Variants in TBX3 observed in about 807,000 individuals in gnomAD.
TBX3 encodes the protein T-box transcription factor TBX3.
In TBX3, 11 loss-of-function variants were observed where a neutral mutation model predicts 47.8. The ratio of observed to expected loss-of-function variants is 0.23; its 90% CI spans 0.14 to 0.38. The LOEUF (loss-of-function observed/expected upper bound fraction) is 0.38. Among genes scored for constraint, TBX3 ranks in the 10% least tolerant of loss-of-function variants. The probability of loss-of-function intolerance (pLI) is 1.00; values close to 1 mark genes in which losing one functional copy is unlikely to be tolerated. For synonymous variants in TBX3, 500 were observed against 449.3 expected (o/e 1.11, Z -1.43); for missense variants, 927 against 1,022.8 (o/e 0.91, Z 1.28).
chr12:114,674,322 C>A lies in TBX3; in HGVS notation c.1553G>T (p.Gly518Val). Residue 518 changes from glycine to valine, a missense_variant, in exon 6 of 7, where the codon GGC becomes GTC. Physicochemically the swap from Gly to Val is moderately radical, Grantham distance 109. Around this residue, in one of 5 missense-constraint regions of TBX3, gnomAD observed 623 missense variants for 569.0 expected, o/e 1.09. Coordinates refer to ENST00000349155, the MANE Select transcript of TBX3 (RefSeq NM_005996.4). Reference protein sequence around the residue: ...GGAFSSMAAAGMGPLLATVSG... With the variant: ...GGAFSSMAAAVMGPLLATVSG... ...AACCGTGGCCAGGAGGGGACCCATG[C>A]CAGCGGCCGCCATGCTGGAGAAGGC... 2 of 1,569,422 alleles carry A rather than the reference C, an allele frequency of 1.3e-6. No homozygotes were observed. The highest frequency in any genetic ancestry group is 1.7e-6 in the Non-Finnish European group (2 of 1,157,310).
rs1868900986 is a variant in TBX3, at chr12:114,680,951, T to C, written c.585A>G (p.Glu195=). The change falls in exon 2 of 7, where the codon GAA becomes GAG. Residue 195 remains glutamate, a synonymous_variant. Coordinates refer to ENST00000349155, the MANE Select transcript of TBX3 (RefSeq NM_005996.4). The part of the protein sequence containing the change: ...YIHPDSPATG[E]QWMSKVVTFH... ...AAGTGACGACTTTGGACATCCACTG[T>C]TCCCCAGTAGCGGGGCTGTCCGGGT... The C allele has an allele frequency of 1.2e-6, 2 of 1,614,024 alleles. No individual in the cohort carries two copies. Among genetic ancestry groups the C allele is most frequent in the African/African-American group, 1.3e-5 (1 of 74,890 alleles).
At chr12:114,678,877 A>G (rs1360236926) in intron 3 of TBX3, among the ~76,000 whole-genome samples, 24 of 151,960 alleles carry the variant, frequency 1.6e-4, no homozygotes, top group Non-Finnish European at 7.4e-5. Context: ...GGGGAATTCA[A>G]ATGAAGTGGT....
chr12:114,682,792 A>G lies in TBX3; in HGVS notation c.389+20T>C, dbSNP rs772883025. The G allele has an allele frequency of 4.3e-6, 7 of 1,614,038 alleles. No individual in the cohort carries two copies. The highest frequency in any genetic ancestry group is 5.1e-6 in the Non-Finnish European group (6 of 1,179,934). ...AAAAAACTCTCCAACAGCTTAGGGGAGGAGGCCCCCACTGCTTACCTTCCC... is the reference window on the plus strand; with the variant it reads ...AAAAAACTCTCCAACAGCTTAGGGGGGGAGGCCCCCACTGCTTACCTTCCC... On this transcript the variant is annotated intron_variant, in intron 1 of 6. Transcript: ENST00000349155.
At position 114,671,928 on chromosome 12, in the gene TBX3, C is replaced by T; in HGVS notation, c.2085G>A (p.Glu695=). 2 of 1,590,030 alleles carry T rather than the reference C, an allele frequency of 1.3e-6. No individual in the cohort carries two copies. The highest frequency in any genetic ancestry group is 1.7e-6 in the Non-Finnish European group (2 of 1,168,352). ...TGCTCTGCAGTTCGCTGGTGGCCGC[C>T]TCTTTCTCCGCGCAGAGTTTGGGCG... The part of the protein sequence containing the change: ...SLSPKLCAEK[E]AATSELQSIQ... The change falls in exon 7 of 7, where the codon GAG becomes GAA. Residue 695 remains glutamate (E), a synonymous_variant. Coordinates refer to ENST00000349155, the MANE Select transcript of TBX3 (RefSeq NM_005996.4).
chr12:114,677,688 A>AT, intron 3 of TBX3, 32 bp from the exon 4 acceptor site: 1 of 1,600,222 alleles, frequency 6.2e-7, no homozygotes, highest in Middle Eastern at 1.7e-4. Flanking sequence ...AGACAGAGAC[A>AT]TTGTTCTCAT....
At chr12:114,679,099 T>C (rs1443277239) in intron 3 of TBX3, among the ~76,000 whole-genome samples, 1 of 152,172 alleles carries the variant, frequency 6.6e-6, no homozygotes, top group Non-Finnish European at 1.5e-5. Context: ...AGGATTCTCC[T>C]CCCAGGATCC....
In TBX3 at chr12:114,683,295, T is replaced by A; in HGVS notation, c.-95A>T. 6.6e-7 allele frequency: 1 copy of A among 1,512,106 alleles called. No individual in the cohort carries two copies. The highest frequency in any genetic ancestry group is 9.0e-7 in the Non-Finnish European group (1 of 1,115,654). The allele number at this position is 1,512,106 out of a possible 1,614,324, so 93.7% of individuals were successfully genotyped here. A position where few individuals can be genotyped will look rare whatever the true frequency, so the allele number is the denominator to read the frequency against. On this transcript the variant is annotated 5_prime_UTR_variant, in exon 1 of 7. Transcript: ENST00000349155. This position sits in a 1 kb window ranked among gnomAD's most constrained non-coding sequence, Gnocchi z 7.7. ...GTTGTTGTTTAACAGCAGCACATAA[T>A]TCAAAAGGGGGGAAAAAGCAAAACA...
In TBX3 at chr12:114,683,235, A is replaced by G. The variant is rs749894141; in HGVS notation, c.-35T>C. ...GCGGGGCGCTGGGCTCCAGCCGGGG[A>G]CAAGTCCGCAGCTGCTGTGTTTTGT... is the stretch of plus-strand genomic sequence containing the variant. On this transcript the variant is annotated 5_prime_UTR_variant, in exon 1 of 7. Transcript: ENST00000349155. The surrounding 1 kb of genome is among the most constrained non-coding windows in gnomAD (Gnocchi z 7.7). 8.1e-6 allele frequency: 13 copies of G among 1,604,894 alleles called. No homozygotes were observed. Among genetic ancestry groups the G allele is most frequent in the Non-Finnish European group, 1.1e-5 (13 of 1,174,540 alleles).
rs1869013848 is a variant in TBX3, at chr12:114,683,066, C to T, written c.135G>A (p.Thr45=). 1.9e-6 allele frequency: 3 copies of T among 1,609,794 alleles called. No individual in the cohort carries two copies. The highest frequency in any genetic ancestry group is 2.2e-5 in the East Asian group (1 of 44,710). The change falls in exon 1 of 7, where the codon ACG becomes ACA. Residue 45 remains threonine, a synonymous_variant. Coordinates refer to ENST00000349155, the MANE Select transcript of TBX3 (RefSeq NM_005996.4). The surrounding 1 kb of genome is among the most constrained non-coding windows in gnomAD (Gnocchi z 7.7). ...GCGCCGCCGCGCCGTTGGGAGGCAG[C>T]GTCAGCGCGGGGAAGAACGGCGGCT... ...GHQPPFFPAL[T]LPPNGAAALS...
At chr12:114,678,207 C>T (rs993386483) in intron 3 of TBX3, among the ~76,000 whole-genome samples, 8 of 152,066 alleles carry the variant, frequency 5.3e-5, no homozygotes, top group Non-Finnish European at 1.2e-4. Flanking sequence ...TGAATGACCA[C>T]TGGAAACATC....
At chr12:114,675,526 A>G (rs1028394456) in intron 5 of TBX3, among the ~76,000 whole-genome samples, 1 of 152,230 alleles carries the variant, frequency 6.6e-6, no homozygotes, top group African/African-American at 2.4e-5. Context: ...GTGTTCCACC[A>G]GAAGAAAAGA....
At chr12:114,675,603 T>A (rs1362214917) in intron 5 of TBX3, among the ~76,000 whole-genome samples, 1 of 152,130 alleles carries the variant, frequency 6.6e-6, no homozygotes, top group Non-Finnish European at 1.5e-5. Context: ...GCATTTTATT[T>A]CACTAAAAAA....
At position 114,676,323 on chromosome 12, in the gene TBX3, C is replaced by G. The variant is rs1367436140; in HGVS notation, c.1029G>C (p.Ser343=). Residue 343 remains serine, a synonymous_variant, in exon 5 of 7, where the codon TCG becomes TCC. Transcript: ENST00000349155. ...GGTGACATGGTTTACCTTTGAGGTTCGATGTCCCTACAGTGGAGGCGGCTG... is the reference window on the plus strand; with the variant it reads ...GGTGACATGGTTTACCTTTGAGGTTGGATGTCCCTACAGTGGAGGCGGCTG... The part of the protein sequence containing the change: ...SSPAASTVGT[S]NLKDLCPSEG... 5 of 1,613,712 alleles carry G rather than the reference C, an allele frequency of 3.1e-6. No individual in the cohort carries two copies. The East Asian group carries it at 6.7e-5, about 22-fold the overall frequency.
At chr12:114,673,497 G>A (rs911232041) in intron 6 of TBX3, among the ~76,000 whole-genome samples, 2 of 152,160 alleles carry the variant, frequency 1.3e-5, no homozygotes, top group Non-Finnish European at 2.9e-5. Context: ...ACCCTTCGAG[G>A]AATAGGCTGG....
chr12:114,677,804 CTG>C (rs1868771097), intron 3 of TBX3, 148 bp from the exon 4 acceptor site: 1 of 735,586 alleles, frequency 1.4e-6, no homozygotes. Context: ...AATAAGGAAA[CTG>C]TGGCAGGGCT....
chr12:114,672,706 G>C (rs1868504159), intron 6 of TBX3, among the ~76,000 whole-genome samples: 1 of 151,986 alleles, frequency 6.6e-6, no homozygotes, highest in Non-Finnish European at 1.5e-5. Flanking sequence ...TGTTAAATGG[G>C]GATACAGATT....
intron 2 of TBX3, chr12:114,680,091 A>G: frequency 2.0e-6 from 2 of 984,664 alleles, no homozygotes; most frequent in Non-Finnish European, 3.2e-6. Flanking sequence ...CTAGAGAGGA[A>G]TATTTATGCC....
In TBX3 at chr12:114,674,443, G is replaced by A. The variant is rs779479067; in HGVS notation, c.1432C>T (p.Leu478=). ...CCCGGGGCGAAGCCGAGGCCAGGCA[G>A]GGGGCCCTGGGCCAGGTGCGCGGCG... is the stretch of plus-strand genomic sequence containing the variant. The part of the protein sequence containing the change: ...AAAAHLAQGP[L]PGLGFAPGLA... Residue 478 remains leucine (L), a synonymous_variant, in exon 6 of 7, where the codon CTG becomes TTG. Coordinates refer to ENST00000349155, the MANE Select transcript of TBX3 (RefSeq NM_005996.4). 4.4e-5 allele frequency: 68 copies of A among 1,547,410 alleles called. No individual in the cohort carries two copies. Among genetic ancestry groups the A allele is most frequent in the Middle Eastern group, 1.7e-4 (1 of 5,738 alleles).
intron 1 of TBX3, 139 bp from the exon 2 acceptor site, chr12:114,681,285 G>A (rs1333436684): frequency 1.3e-5 from 16 of 1,237,880 alleles, no homozygotes; most frequent in Non-Finnish European, 1.6e-5. Context: ...GTTTCAGAGT[G>A]AGGCAACTGG....
Sources: allele counts gnomAD v4.1 joint callset (sites outside exome capture counted in the v4.1 genomes callset), GRCh38; gene constraint gnomAD v4.1.1; regional missense constraint gnomAD v4.1.1; non-coding constraint Gnocchi (gnomAD v3.1); transcripts MANE v1.5; gene names NCBI Gene and HGNC (gene_info 2026-07-23, HGNC 2026-07-21).